C4orf50: variants seen among roughly 807,000 people sequenced by gnomAD.
The protein encoded by C4orf50 is chromosome 4 open reading frame 50.
C4orf50 carries 80 observed loss-of-function variants against 77.2 expected under a neutral mutation model. The ratio of observed to expected loss-of-function variants is 1.04; its 90% CI spans 0.87 to 1.25. C4orf50 has a LOEUF of 1.25. Ranked by LOEUF, C4orf50 falls within the 50% of genes most tolerant of loss-of-function variation. The pLI, the probability that C4orf50 is intolerant of heterozygous loss-of-function variation, is 0.00. For synonymous variants in C4orf50, 532 were observed against 465.3 expected (o/e 1.14, Z -1.84); for missense variants, 1,257 against 1,152.9 (o/e 1.09, Z -1.31).
chr4:5,973,010 T>C (rs776685708), intron 31 of C4orf50, among the ~76,000 whole-genome samples: 22 of 152,204 alleles, frequency 1.4e-4, no homozygotes, highest in Non-Finnish European at 2.8e-4. Flanking sequence ...ATTCATTTGG[T>C]TCATTATTTC....
At chr4:5,969,476 G>A (rs1178341217) in intron 31 of C4orf50, among the ~76,000 whole-genome samples, 7 of 150,944 alleles carry the variant, frequency 4.6e-5, no homozygotes, top group Admixed American at 1.3e-4. Context: ...ACAGCAGGGC[G>A]AGAGGAGGTA....
chr4:5,936,220 A>G (rs556241562), intron 7 of C4orf50, among the ~76,000 whole-genome samples: 2 of 150,278 alleles, frequency 1.3e-5, no homozygotes, highest in African/African-American at 2.4e-5. Context: ...AAAAAAAAAA[A>G]TGAGCTTCAG....
At chr4:6,010,622 G>A (rs1485538265) in intron 24 of C4orf50, among the ~76,000 whole-genome samples, 5 of 152,142 alleles carry the variant, frequency 3.3e-5, no homozygotes, top group African/African-American at 1.2e-4. Flanking sequence ...CCCCTGAATC[G>A]ATCTCACATC....
At chr4:5,984,003 T>C (rs898041132) in intron 28 of C4orf50, among the ~76,000 whole-genome samples, 1 of 152,226 alleles carries the variant, frequency 6.6e-6, no homozygotes, top group Admixed American at 6.5e-5. Flanking sequence ...TCTGAGAAGA[T>C]TGCAGAGTTC....
intron 27 of C4orf50, among the ~76,000 whole-genome samples, chr4:5,991,078 C>T (rs1721258891): frequency 6.6e-6 from 1 of 152,226 alleles, no homozygotes. Context: ...GCAAATGTGA[C>T]TTCCTTGAAA....
In C4orf50 at chr4:6,009,969, G is replaced by A. The variant is rs144495043; in HGVS notation, c.427-1437C>T. On this transcript the variant is annotated intron_variant, in intron 24 of 33. Transcript: ENST00000531445. The surrounding 1 kb of genome is among the most constrained non-coding windows in gnomAD (Gnocchi z 5.6). The stretch of plus-strand genomic sequence containing the variant: ...TGAGACAGATTTAATAAGACGACGC[G>A]TGTAGAAAAGGGCTTAGTGTTCCCC... 2.6e-5 allele frequency among the ~76,000 whole-genome samples: 4 copies of A among 152,228 alleles called. No homozygotes were observed. The highest frequency in any genetic ancestry group is 1.9e-4 in the East Asian group (1 of 5,184).
At chr4:5,969,816 T>C (rs28417388) in intron 31 of C4orf50, among the ~76,000 whole-genome samples, 18,520 of 152,188 alleles carry the variant, frequency 0.12, 2,687 homozygotes, top group African/African-American at 0.35. Context: ...TGTCATCATC[T>C]GCAGGTGAAT....
At chr4:5,917,599 A>G (rs933006202) in intron 7 of C4orf50, among the ~76,000 whole-genome samples, 5 of 151,754 alleles carry the variant, frequency 3.3e-5, no homozygotes, top group African/African-American at 1.2e-4. Flanking sequence ...TTTTTAGTAG[A>G]GACAGGGTTT....
chr4:5,994,312 C>A, intron 26 of C4orf50, 35 bp downstream of exon 4: 1 of 399,148 alleles, frequency 2.5e-6, no homozygotes, highest in Admixed American at 4.4e-5. Flanking sequence ...GTGCTGCCCG[C>A]GACTCGTCCT....
intron 25 of C4orf50, among the ~76,000 whole-genome samples, chr4:5,995,474 AACACACAC>A (rs55858229): frequency 0.05 from 6,649 of 134,008 alleles, 166 homozygotes; most frequent in Non-Finnish European, 0.052. Flanking sequence ...TGGGACTGGA[AACACACAC>A]ACACACACAC....
intron 7 of C4orf50, among the ~76,000 whole-genome samples, chr4:5,926,416 G>A (rs533967876): frequency 1.1e-4 from 16 of 152,294 alleles, no homozygotes; most frequent in African/African-American, 3.1e-4. Flanking sequence ...GTGGACCGCC[G>A]GATGTCAGTT....
At chr4:5,996,483 G>T (rs76649744) in intron 25 of C4orf50, among the ~76,000 whole-genome samples, 2,091 of 145,536 alleles carry the variant, frequency 0.014, 58 homozygotes, top group African/African-American at 0.051. Context: ...GCTCCTGGAA[G>T]GAACTCTTCT....
exon 28 of C4orf50, chr4:5,989,682 A>G (rs1319596329): frequency 5.2e-6 from 8 of 1,536,050 alleles, no homozygotes; most frequent in Non-Finnish European, 8.7e-7. Flanking sequence ...CAGCCTGTGG[A>G]TGACCATGAT....
chr4:5,975,282 G>T lies in C4orf50; in HGVS notation c.3921+617C>A, dbSNP rs116802146. ...AGGGGTGGTGATTTTATGGACCAAGGCCTCTCGTGCTTCACCCCAGCATGA... is the reference window on the plus strand; with the variant it reads ...AGGGGTGGTGATTTTATGGACCAAGTCCTCTCGTGCTTCACCCCAGCATGA... On this transcript the variant is annotated intron_variant, in intron 30 of 33. Transcript: ENST00000531445. 4.6e-3 allele frequency among the ~76,000 whole-genome samples: 691 copies of T among 151,860 alleles called. 7 individuals carry two copies. The highest frequency in any genetic ancestry group is 0.016 in the African/African-American group (659 of 41,416).
At chr4:5,973,074 C>T (rs1023558720) in intron 31 of C4orf50, among the ~76,000 whole-genome samples, 1 of 152,240 alleles carries the variant, frequency 6.6e-6, no homozygotes, top group Non-Finnish European at 1.5e-5. Flanking sequence ...GAGCCAGGCA[C>T]TGGGAAGACA....
chr4:5,946,065 GA>G (rs1718468985), intron 7 of C4orf50, among the ~76,000 whole-genome samples: 1 of 152,224 alleles, frequency 6.6e-6, no homozygotes, highest in African/African-American at 2.4e-5. Context: ...CTCTATGGCA[GA>G]CCCCGGCTCT....
rs541140462 is a variant in C4orf50, at chr4:5,992,891, C to G, written c.1133G>C (p.Arg378Thr). 1.8e-5 allele frequency: 7 copies of G among 399,124 alleles called. No homozygotes were observed. Among genetic ancestry groups the G allele is most frequent in the Non-Finnish European group, 3.1e-5 (7 of 226,132 alleles). 24.7% of individuals were successfully genotyped at this position (399,124 alleles called of 1,614,324 possible). Residue 378 changes from arginine (R) to threonine (T), a missense_variant, in exon 27 of 34, where the codon AGG becomes ACG. Physicochemically the swap from Arg to Thr is moderately conservative, Grantham distance 71. Coordinates refer to ENST00000531445, the Ensembl canonical transcript of C4orf50. This position sits in a 1 kb window ranked among gnomAD's most constrained non-coding sequence, Gnocchi z 5.0. Reference sequence around the variant, plus strand: ...CAAAACAGAAGAGGCCCGTCCAGGCCTGATGCGGCTCCAGGTGCAGGGCCC... The same window carrying G: ...CAAAACAGAAGAGGCCCGTCCAGGCGTGATGCGGCTCCAGGTGCAGGGCCC...
At chr4:6,004,256 ATGGTGATGGTGGTGATGG>A (rs1560598899) in intron 25 of C4orf50, among the ~76,000 whole-genome samples, 9 of 65,010 alleles carry the variant, frequency 1.4e-4, no homozygotes, top group East Asian at 9.5e-4. Context: ...GATGATGGTG[ATGGTGATGGTGGTGATGG>A]TGATGGTGAT....
In C4orf50 at chr4:5,970,893, G is replaced by C. The variant is rs989705741; in HGVS notation, c.4104+2766C>G. 6.6e-6 allele frequency among the ~76,000 whole-genome samples: 1 copy of C among 152,178 alleles called. No homozygotes were observed. Among genetic ancestry groups the C allele is most frequent in the Non-Finnish European group, 1.5e-5 (1 of 68,030 alleles). On this transcript the variant is annotated intron_variant, in intron 31 of 33. Coordinates refer to ENST00000531445, the Ensembl canonical transcript of C4orf50. This position sits in a 1 kb window ranked among gnomAD's most constrained non-coding sequence, Gnocchi z 4.3. Reference sequence around the variant, plus strand: ...AGGGTGGAGTAAGCAGATCCATGGAGAGCGTGCGAGGGGGAGGGCAGCATG... The same window carrying C: ...AGGGTGGAGTAAGCAGATCCATGGACAGCGTGCGAGGGGGAGGGCAGCATG...
Sources: gnomAD v4.1 joint callset for allele counts (sites outside exome capture counted in the v4.1 genomes callset) on GRCh38, gnomAD v4.1.1 for gene constraint, Gnocchi (gnomAD v3.1) non-coding constraint, MANE v1.5 for transcripts, NCBI Gene and HGNC (gene_info 2026-07-23, HGNC 2026-07-21) for gene names.